The following STARD9 variants were observed in gnomAD, a reference collection of about 807,000 sequenced individuals.
The protein encoded by STARD9 is stAR-related lipid transfer protein 9.
STARD9 carries 346 observed loss-of-function variants against 399.8 expected under a neutral mutation model. The ratio of observed to expected loss-of-function variants is 0.87; its 90% confidence interval spans 0.79 to 0.95. The LOEUF (loss-of-function observed/expected upper bound fraction) is 0.95. Among genes scored for constraint, STARD9 ranks in the 40% least tolerant of loss-of-function variants. STARD9 has a pLI of 0.00. For synonymous variants in STARD9, 2,203 were observed against 2,143.5 expected, an observed-to-expected ratio of 1.03 and a Z score of -0.77; for missense variants, 5,832 against 5,667.5, an observed-to-expected ratio of 1.03 and a Z score of -0.93.
intron 3 of STARD9, among the ~76,000 whole-genome samples, chr15:42,589,607 CT>C (rs754803358): frequency 6.4e-3 from 897 of 139,848 alleles, no homozygotes; most frequent in Admixed American, 6.0e-3. Context: ...TGAGATTCAT[CT>C]TTTTTTTTTT....
chr15:42,656,459 A>T (rs1442556682), intron 9 of STARD9, among the ~76,000 whole-genome samples: 1 of 149,676 alleles, frequency 6.7e-6, no homozygotes, highest in Non-Finnish European at 1.5e-5. Context: ...CAGTGTGGAG[A>T]TTCCTTAAAG....
chr15:42,661,704 G>A (rs2059996943), intron 10 of STARD9, among the ~76,000 whole-genome samples: 1 of 151,900 alleles, frequency 6.6e-6, no homozygotes, highest in Non-Finnish European at 1.5e-5. Context: ...CGATTCATCT[G>A]CCTCAGTCTC....
At chr15:42,615,646 ATGT>A (rs1336591813) in intron 3 of STARD9, among the ~76,000 whole-genome samples, 1 of 151,598 alleles carries the variant, frequency 6.6e-6, no homozygotes, top group Non-Finnish European at 1.5e-5. Flanking sequence ...AGGATGCCTG[ATGT>A]TAACATGTTA....
chr15:42,656,620 G>A (rs888269490), intron 9 of STARD9, among the ~76,000 whole-genome samples: 4 of 152,254 alleles, frequency 2.6e-5, no homozygotes, highest in African/African-American at 4.8e-5. Flanking sequence ...TGTGGTGTAT[G>A]TATACTGTGG....
At chr15:42,607,072 T>C (rs2058741193) in intron 3 of STARD9, among the ~76,000 whole-genome samples, 1 of 151,768 alleles carries the variant, frequency 6.6e-6, no homozygotes, top group South Asian at 2.1e-4. Flanking sequence ...CTTAGCTTCC[T>C]GAGTAGCTGG....
At chr15:42,609,983 C>G (rs2058815582) in intron 3 of STARD9, among the ~76,000 whole-genome samples, 2 of 152,028 alleles carry the variant, frequency 1.3e-5, no homozygotes, top group South Asian at 4.2e-4. Context: ...ATCCCAGCTA[C>G]TCGCGAGGCT....
In STARD9 at chr15:42,684,799, C is replaced by G; in HGVS notation, c.3221C>G (p.Thr1074Arg). 6.5e-7 allele frequency: 1 copy of G among 1,537,206 alleles called. No homozygotes were observed. The highest frequency in any genetic ancestry group is 8.7e-7 in the Non-Finnish European group (1 of 1,146,920). ...LGSPLKRQQN[T>R]RDPDTMVPLT... ...AGTCCTTTGAAGAGACAACAAAATA[C>G]AAGGGACCCAGACACCATGGTCCCA... Residue 1074 changes from threonine to arginine, a missense_variant, in exon 23 of 33, where the codon ACA (threonine) becomes AGA (arginine). Physicochemically the swap from Thr to Arg is moderately conservative, Grantham distance 71. Transcript: ENST00000290607.
At chr15:42,634,453 C>T (rs1330749338) in intron 3 of STARD9, among the ~76,000 whole-genome samples, 1 of 152,182 alleles carries the variant, frequency 6.6e-6, no homozygotes, top group African/African-American at 2.4e-5. Flanking sequence ...TATCCTAAGA[C>T]CCTGAATTTG....
At chr15:42,665,190 A>G in intron 13 of STARD9, 63 bp from the exon 14 acceptor site, 1 of 1,317,194 alleles carries the variant, frequency 7.6e-7, no homozygotes, top group East Asian at 2.5e-5. Context: ...AATTGCAACT[A>G]GCATTTCACA....
rs1462224764 is a variant in STARD9, at chr15:42,692,945, A to G, written c.11367A>G (p.Glu3789=). 2 of 1,537,114 alleles carry G rather than the reference A, an allele frequency of 1.3e-6. No individual in the cohort carries two copies. The highest frequency in any genetic ancestry group is 2.4e-5 in the South Asian group (2 of 84,060). Residue 3789 remains glutamate, a synonymous_variant, in exon 23 of 33, where the codon GAA becomes GAG. Coordinates refer to ENST00000290607, the MANE Select transcript of STARD9 (RefSeq NM_020759.3). ...PGVPQKREAE[E]TAQKMAQLLY... is the part of the protein sequence containing the mutation. ...TACCTCAGAAGAGAGAGGCAGAGGA[A>G]ACAGCACAGAAAATGGCTCAGCTCC...
Position 42,694,718 on chromosome 15 carries a change from A to C in STARD9, c.12955A>C (p.Thr4319Pro). ...LQQLRKDVVE[T>P]TRSPESVSRS... ...GCAACTGAGGAAGGATGTTGTGGAG[A>C]CCACCAGGTAGTGTGGACCGAGAAC... Residue 4319 changes from threonine to proline, a missense_variant, in exon 24 of 33, where the codon ACC becomes CCC. Physicochemically the swap from Thr to Pro is conservative, Grantham distance 38 (BLOSUM62 -1). This residue lies in a region of STARD9 where 5,828 missense variants were observed against 5,651.1 expected (regional missense o/e 1.03). Transcript: ENST00000290607. 6.5e-7 allele frequency: 1 copy of C among 1,537,056 alleles called. No homozygotes were observed. The highest frequency in any genetic ancestry group is 8.7e-7 in the Non-Finnish European group (1 of 1,146,828).
rs78169743 is a variant in STARD9 at position 42,647,547 on chromosome 15, G to A, written c.560-3469G>A. Among the ~76,000 whole-genome samples the A allele has an allele frequency of 2.0e-5, 3 of 152,146 alleles. No individual in the cohort carries two copies. The East Asian group carries it at 5.8e-4, about 29-fold the overall frequency. ...AAAGTCTACTTTGTCAGGCATTAACGAAACTAGCTTTCTTTGTGTTATTGT... is the reference window on the plus strand; with the variant it reads ...AAAGTCTACTTTGTCAGGCATTAACAAAACTAGCTTTCTTTGTGTTATTGT... On this transcript the variant is annotated intron_variant, in intron 7 of 32. Transcript: ENST00000290607.
intron 6 of STARD9, 149 bp from the exon 7 acceptor site, chr15:42,638,551 G>A (rs545441576): frequency 1.8e-6 from 1 of 556,354 alleles, no homozygotes; most frequent in South Asian, 2.3e-5. Flanking sequence ...TATGGAAAGA[G>A]AATCAAGGGG....
chr15:42,693,517 A>G lies in STARD9; in HGVS notation c.11939A>G (p.His3980Arg). 1 of 1,537,028 alleles carries G rather than the reference A, an allele frequency of 6.5e-7. No individual in the cohort carries two copies. Among genetic ancestry groups the G allele is most frequent in the South Asian group, 1.2e-5 (1 of 84,040 alleles). ...AATGGGAGATCCTTCCTTGAGTTGC[A>G]CTCCCCACACAGCCCACAGCAGAGT... ...RSNGRSFLEL[H>R]SPHSPQQSPK... The change falls in exon 23 of 33, where the codon CAC becomes CGC. Residue 3980 changes from histidine (H) to arginine (R), a missense_variant. This residue lies in a region of STARD9 where 5,828 missense variants were observed against 5,651.1 expected (regional missense o/e 1.03). Coordinates refer to ENST00000290607, the MANE Select transcript of STARD9 (RefSeq NM_020759.3).
At chr15:42,629,527 A>C (rs1454579257) in intron 3 of STARD9, among the ~76,000 whole-genome samples, 1 of 152,094 alleles carries the variant, frequency 6.6e-6, no homozygotes, top group Non-Finnish European at 1.5e-5. Flanking sequence ...TTTTTGGTGG[A>C]GTCTTTAGGT....
chr15:42,585,904 C>G (rs1054180478), intron 3 of STARD9, among the ~76,000 whole-genome samples: 1 of 152,204 alleles, frequency 6.6e-6, no homozygotes, highest in South Asian at 2.1e-4. Context: ...GCGGTAATAT[C>G]GTGTATTTCC....
At chr15:42,615,485 AT>A (rs541324309) in intron 3 of STARD9, among the ~76,000 whole-genome samples, 2 of 152,234 alleles carry the variant, frequency 1.3e-5, no homozygotes, top group East Asian at 3.9e-4. Context: ...ACAGCATCCC[AT>A]TTTTTAGTTA....
At chr15:42,719,035 A>G in intron 32 of STARD9, 125 bp downstream of exon 32, 1 of 797,290 alleles carries the variant, frequency 1.3e-6, no homozygotes, top group Non-Finnish European at 2.0e-6. Context: ...AGACCTGGAG[A>G]CTTGAGGGCT....
At position 42,686,414 on chromosome 15, in the gene STARD9, C is replaced by A; in HGVS notation, c.4836C>A (p.Asn1612Lys). The part of the protein sequence containing the change: ...STNAQVFATE[N>K]AIPDSMTEAC... Reference sequence around the variant, plus strand: ...ATGCACAGGTCTTTGCAACAGAGAACGCGATACCAGATTCCATGACAGAAG... The same window carrying A: ...ATGCACAGGTCTTTGCAACAGAGAAAGCGATACCAGATTCCATGACAGAAG... Residue 1612 changes from asparagine to lysine, a missense_variant, in exon 23 of 33, where the codon AAC becomes AAA. Transcript: ENST00000290607. The A allele has an allele frequency of 2.0e-6, 3 of 1,537,696 alleles. No individual in the cohort carries two copies. Among genetic ancestry groups the A allele is most frequent in the Non-Finnish European group, 2.6e-6 (3 of 1,147,008 alleles).
Sources: allele counts gnomAD v4.1 joint callset (sites outside exome capture counted in the v4.1 genomes callset), GRCh38; gene constraint gnomAD v4.1.1; regional missense constraint gnomAD v4.1.1; transcripts MANE v1.5; gene names NCBI Gene and HGNC (gene_info 2026-07-23, HGNC 2026-07-21).